The following TASP1 variants were observed in gnomAD, a reference collection of about 807,000 sequenced individuals.
TASP1 encodes the protein threonine aspartase 1.
Under a neutral mutation model 56.6 loss-of-function variants are expected in TASP1, and 16 were observed. The ratio of observed to expected loss-of-function variants is 0.28; its 90% CI spans 0.19 to 0.43. The LOEUF is 0.43. Among genes scored for constraint, TASP1 ranks in the 20% least tolerant of loss-of-function variants. The probability of loss-of-function intolerance (pLI) is 1.00; values close to 1 mark genes in which losing one functional copy is unlikely to be tolerated. For synonymous variants in TASP1, 179 were observed against 184.2 expected (o/e 0.97, Z 0.23); for missense variants, 393 against 511.6 (o/e 0.77, Z 2.24).
At chr20:13,631,657 T>C (rs2049090318) in intron 1 of TASP1, among the ~76,000 whole-genome samples, 1 of 152,196 alleles carries the variant, frequency 6.6e-6, no homozygotes, top group African/African-American at 2.4e-5. Context: ...ATTACGAGCT[T>C]CAGCTAAAAC....
the TASP1 span, among the ~76,000 whole-genome samples, chr20:13,104,788 CTTTTA>C: frequency 6.6e-6 from 1 of 152,112 alleles, no homozygotes; most frequent in African/African-American, 2.4e-5. Flanking sequence ...CAAAATTATA[CTTTTA>C]TTTTAATTTC....
intron 6 of TASP1, among the ~76,000 whole-genome samples, chr20:13,569,981 T>C (rs897779177): frequency 6.6e-6 from 1 of 152,106 alleles, no homozygotes; most frequent in Non-Finnish European, 1.5e-5. Context: ...AGATTTGGCA[T>C]TATTACCTAG....
At chr20:13,204,528 C>CATATAT in the TASP1 span, among the ~76,000 whole-genome samples, 21 of 145,320 alleles carry the variant, frequency 1.4e-4, no homozygotes, top group South Asian at 4.4e-4. Flanking sequence ...TTTATATATT[C>CATATAT]ATATATATAT....
At chr20:13,547,998 G>A (rs1255175035) in intron 8 of TASP1, among the ~76,000 whole-genome samples, 4 of 152,038 alleles carry the variant, frequency 2.6e-5, no homozygotes, top group Non-Finnish European at 5.9e-5. Flanking sequence ...AGAGAGAGAA[G>A]AAGGAAGGAG....
At chr20:13,270,629 A>G in the TASP1 span, 2 of 1,613,884 alleles carry the variant, frequency 1.2e-6, no homozygotes, top group Non-Finnish European at 1.7e-6. Context: ...GATTCCGACA[A>G]GAGACGGGGC....
the TASP1 span, among the ~76,000 whole-genome samples, chr20:13,278,145 C>T: frequency 1.5e-4 from 23 of 152,274 alleles, no homozygotes; most frequent in East Asian, 3.7e-3. Flanking sequence ...AAGAGCTATG[C>T]GATGGCCAAA....
At chr20:13,624,816 C>G (rs911009973) in intron 3 of TASP1, among the ~76,000 whole-genome samples, 2 of 151,848 alleles carry the variant, frequency 1.3e-5, no homozygotes, top group African/African-American at 4.9e-5. Flanking sequence ...TAGGAAAGTA[C>G]CCATTTTAAT....
the TASP1 span, among the ~76,000 whole-genome samples, chr20:13,245,993 C>T: frequency 6.6e-6 from 1 of 152,188 alleles, no homozygotes; most frequent in Non-Finnish European, 1.5e-5. Context: ...GTGGGCTGGG[C>T]GCTGTGGCTC....
At chr20:13,445,770 A>G (rs2043388674) in intron 11 of TASP1, among the ~76,000 whole-genome samples, 2 of 152,200 alleles carry the variant, frequency 1.3e-5, no homozygotes, top group Admixed American at 1.3e-4. Flanking sequence ...CTCCAGGAGT[A>G]TCACAAAGTA....
intron 11 of TASP1, among the ~76,000 whole-genome samples, chr20:13,444,758 A>C (rs1202278477): frequency 1.3e-5 from 2 of 152,168 alleles, no homozygotes; most frequent in African/African-American, 4.8e-5. Context: ...ATAGAAGAGA[A>C]ACCAAAGGAA....
chr20:13,210,496 T>C, the TASP1 span, among the ~76,000 whole-genome samples: 1 of 152,182 alleles, frequency 6.6e-6, no homozygotes, highest in Non-Finnish European at 1.5e-5. Flanking sequence ...GAAGATTTTT[T>C]AATGGCCGTA....
chr20:13,561,485 C>T (rs1461125430), intron 7 of TASP1, among the ~76,000 whole-genome samples: 1 of 152,090 alleles, frequency 6.6e-6, no homozygotes, highest in Non-Finnish European at 1.5e-5. Flanking sequence ...CTTGCCTCGG[C>T]CTCCCAAGTA....
intron 7 of TASP1, among the ~76,000 whole-genome samples, chr20:13,563,556 A>G (rs548613060): frequency 5.3e-5 from 8 of 152,298 alleles, no homozygotes; most frequent in South Asian, 2.1e-4. Flanking sequence ...TTAAAAGGAT[A>G]ATACACTATG....
the TASP1 span, among the ~76,000 whole-genome samples, chr20:13,202,173 A>T: frequency 4.6e-5 from 7 of 152,188 alleles, no homozygotes; most frequent in Non-Finnish European, 8.8e-5. Flanking sequence ...AAAGGAATCA[A>T]GTTAGGGGAG....
At chr20:13,627,733 T>TTAAAAAAAAAAAA (rs765053115) in intron 2 of TASP1, among the ~76,000 whole-genome samples, 4 of 119,526 alleles carry the variant, frequency 3.3e-5, no homozygotes, top group African/African-American at 1.6e-4. Flanking sequence ...AACTTAGTCT[T>TTAAAAAAAAAAAA]AAAAAAAAAA....
chr20:13,386,459 G>GCA (rs60658047), downstream of TASP1, among the ~76,000 whole-genome samples: 19,393 of 151,664 alleles, frequency 0.13, 2,855 homozygotes, highest in African/African-American at 0.37. Context: ...TTCCTAATAA[G>GCA]CAGACTACCT....
chr20:13,225,493 T>G, the TASP1 span, among the ~76,000 whole-genome samples: 1 of 152,228 alleles, frequency 6.6e-6, no homozygotes, highest in African/African-American at 2.4e-5. Flanking sequence ...TATCTAACTT[T>G]TTTTGTAGTT....
chr20:13,213,679 A>G, the TASP1 span, among the ~76,000 whole-genome samples: 1 of 152,210 alleles, frequency 6.6e-6, no homozygotes, highest in African/African-American at 2.4e-5. Flanking sequence ...CATATTCTCA[A>G]TCAAGAATTT....
At chr20:13,548,551 A>G (rs1462397731) in intron 8 of TASP1, among the ~76,000 whole-genome samples, 1 of 152,172 alleles carries the variant, frequency 6.6e-6, no homozygotes, top group Non-Finnish European at 1.5e-5. Context: ...ATAAAGAGCA[A>G]GGAGCCTGAC....
Sources: gnomAD v4.1 joint callset for allele counts (sites outside exome capture counted in the v4.1 genomes callset) on GRCh38, gnomAD v4.1.1 for gene constraint, MANE v1.5 for transcripts, NCBI Gene and HGNC (gene_info 2026-07-23, HGNC 2026-07-21) for gene names.